CCDC13: variants seen among roughly 807,000 people sequenced by gnomAD.
The protein encoded by CCDC13 is coiled-coil domain containing 13, also known as coiled-coil domain-containing protein 13.
Under a neutral mutation model 87.3 loss-of-function variants are expected in CCDC13, and 70 were observed. The observed-to-expected ratio is 0.80, with a 90% confidence interval of 0.66 to 0.98. The LOEUF (loss-of-function observed/expected upper bound fraction) is 0.98. CCDC13 is among the 50% of genes least tolerant of loss of function. The pLI is 0.00. For missense variants in CCDC13, 842 were observed against 892.0 expected, an observed-to-expected ratio of 0.94 and a Z score of 0.71; for synonymous variants, 317 against 360.3, an observed-to-expected ratio of 0.88 and a Z score of 1.36.
chr3:42,710,592 G>A (rs951176801), intron 14 of CCDC13, among the ~76,000 whole-genome samples: 1 of 152,210 alleles, frequency 6.6e-6, no homozygotes. Context: ...AGAACTTTGG[G>A]AGGCCAAGTG....
chr3:42,766,998 A>T (rs1699945010), intron 1 of CCDC13, among the ~76,000 whole-genome samples: 1 of 152,218 alleles, frequency 6.6e-6, no homozygotes, highest in Non-Finnish European at 1.5e-5. Flanking sequence ...GACTGGGAAC[A>T]TGACAAGATG....
chr3:42,751,850 T>C, intron 5 of CCDC13, 86 bp downstream of exon 5: 1 of 1,234,842 alleles, frequency 8.1e-7, no homozygotes, highest in Non-Finnish European at 1.2e-6. Flanking sequence ...GGACCTCGGG[T>C]AGAGGTACCT....
At chr3:42,761,174 T>C (rs1291818381) in intron 1 of CCDC13, among the ~76,000 whole-genome samples, 1 of 152,196 alleles carries the variant, frequency 6.6e-6, no homozygotes, top group Non-Finnish European at 1.5e-5. Flanking sequence ...CTACCTATCA[T>C]CCAATTAATC....
intron 13 of CCDC13, among the ~76,000 whole-genome samples, chr3:42,729,933 T>A (rs1322858010): frequency 1.3e-5 from 2 of 152,206 alleles, no homozygotes; most frequent in East Asian, 3.8e-4. Flanking sequence ...AAAGGATCAT[T>A]TGAGCGAGGA....
chr3:42,762,511 A>G (rs1335415660), intron 1 of CCDC13, among the ~76,000 whole-genome samples: 1 of 152,154 alleles, frequency 6.6e-6, no homozygotes, highest in Non-Finnish European at 1.5e-5. Context: ...GGTCAACTGT[A>G]CCTACGTAAC....
chr3:42,762,329 G>A (rs1184628649), intron 1 of CCDC13, among the ~76,000 whole-genome samples: 5 of 152,238 alleles, frequency 3.3e-5, no homozygotes, highest in Non-Finnish European at 7.3e-5. Flanking sequence ...AAACATGTTT[G>A]GCCTTTGACC....
intron 1 of CCDC13, among the ~76,000 whole-genome samples, chr3:42,762,110 T>C (rs1699844607): frequency 6.6e-6 from 1 of 152,162 alleles, no homozygotes; most frequent in Admixed American, 6.5e-5. Flanking sequence ...TTTAAATTAG[T>C]CTGGAGTGGA....
intron 7 of CCDC13, among the ~76,000 whole-genome samples, chr3:42,743,404 T>TTATG (rs1213579624): frequency 6.8e-6 from 1 of 146,410 alleles, no homozygotes; most frequent in Non-Finnish European, 1.5e-5. Context: ...ATTTATTTAT[T>TTATG]TATTTATTTA....
At chr3:42,716,694 G>A (rs1698438433) in intron 13 of CCDC13, among the ~76,000 whole-genome samples, 1 of 152,162 alleles carries the variant, frequency 6.6e-6, no homozygotes, top group South Asian at 2.1e-4. Context: ...AATAAGTGTT[G>A]GTGAGGATAT....
chr3:42,757,728 T>C (rs974192362), intron 2 of CCDC13, among the ~76,000 whole-genome samples: 6 of 152,026 alleles, frequency 3.9e-5, no homozygotes, highest in African/African-American at 1.2e-4. Context: ...AAAAGTATTA[T>C]AGGTTATAAA....
At chr3:42,771,232 A>G (rs1700090109) in intron 1 of CCDC13, among the ~76,000 whole-genome samples, 1 of 152,222 alleles carries the variant, frequency 6.6e-6, no homozygotes, top group Non-Finnish European at 1.5e-5. Flanking sequence ...TATAATTGCA[A>G]ACTGTATAAT....
At chr3:42,771,407 G>A (rs76632688) in intron 1 of CCDC13, among the ~76,000 whole-genome samples, 2,031 of 152,150 alleles carry the variant, frequency 0.013, 23 homozygotes, top group Non-Finnish European at 0.021. Flanking sequence ...TACTTTACTG[G>A]TGGATACACA....
rs774080866 is a variant in CCDC13, at chr3:42,747,371, C to T, written c.606G>A (p.Leu202=). The part of the protein sequence containing the change: ...PRAQMGDRAL[L]ETPEVKALQD... The stretch of plus-strand genomic sequence containing the variant: ...GCAGGGCCTTCACCTCTGGGGTCTC[C>T]AGCTGGTTGGGAAGGACAGGAGAGA... Residue 202 remains leucine, a splice_region_variant and synonymous_variant, in exon 6 of 16, where the codon CTG becomes CTA. Coordinates refer to ENST00000310232, the MANE Select transcript of CCDC13 (RefSeq NM_144719.4). 13 of 1,611,444 alleles carry T rather than the reference C, an allele frequency of 8.1e-6. No homozygotes were observed. Among genetic ancestry groups the T allele is most frequent in the Admixed American group, 1.7e-5 (1 of 60,022 alleles).
intron 1 of CCDC13, among the ~76,000 whole-genome samples, chr3:42,769,930 C>T (rs563403016): frequency 6.6e-6 from 1 of 152,380 alleles, no homozygotes; most frequent in South Asian, 2.1e-4. Flanking sequence ...ACCGGCAGCC[C>T]GCCATGCCTG....
intron 15 of CCDC13, among the ~76,000 whole-genome samples, chr3:42,709,425 TA>T (rs889575385): frequency 6.6e-6 from 1 of 152,232 alleles, no homozygotes; most frequent in African/African-American, 2.4e-5. Flanking sequence ...TTAAAAGGTT[TA>T]ACGTAGTGAG....
intron 1 of CCDC13, among the ~76,000 whole-genome samples, chr3:42,759,031 T>C (rs1699770543): frequency 6.6e-6 from 1 of 152,232 alleles, no homozygotes; most frequent in East Asian, 1.9e-4. Flanking sequence ...TACAATAAAA[T>C]CCACCAGGTT....
At chr3:42,754,431 T>C (rs1452367813) in intron 3 of CCDC13, among the ~76,000 whole-genome samples, 1 of 152,128 alleles carries the variant, frequency 6.6e-6, no homozygotes, top group Non-Finnish European at 1.5e-5. Flanking sequence ...GCTCCTTTAA[T>C]AGGTTGTGTG....
In CCDC13 at chr3:42,706,816, TAACAGCCCCCTG is replaced by T. The variant is rs1698191191; in HGVS notation, c.*2152_*2163del. The T allele has an allele frequency of 6.6e-6, 1 of 152,174 alleles. No individual in the cohort carries two copies. Among genetic ancestry groups the T allele is most frequent in the Non-Finnish European group, 1.5e-5 (1 of 68,040 alleles). The allele number at this position is 152,174 out of a possible 1,614,324, so 9.4% of individuals were successfully genotyped here. A position where few individuals can be genotyped will look rare whatever the true frequency, so the allele number is the denominator to read the frequency against. On this transcript the variant is annotated 3_prime_UTR_variant, in exon 16 of 16. Transcript: ENST00000310232. ...GGTTATTCTTTGACATACATATTAA[TAACAGCCCCCTG>T]AGGGAGGATTCTATTATTGTCTGCA...
chr3:42,741,860 C>T (rs1435091323), intron 8 of CCDC13, among the ~76,000 whole-genome samples: 1 of 152,240 alleles, frequency 6.6e-6, no homozygotes, highest in Non-Finnish European at 1.5e-5. Flanking sequence ...TCCCTCCTCA[C>T]AGCTGATGGT....
Sources: gnomAD v4.1 joint callset for allele counts (sites outside exome capture counted in the v4.1 genomes callset) on GRCh38, gnomAD v4.1.1 for gene constraint, MANE v1.5 for transcripts, NCBI Gene and HGNC (gene_info 2026-07-23, HGNC 2026-07-21) for gene names.